SLC39A8: variants seen among roughly 807,000 people sequenced by gnomAD.
The protein encoded by SLC39A8 is metal cation symporter ZIP8.
SLC39A8 carries 15 observed loss-of-function variants against 40.4 expected under a neutral mutation model. The ratio of observed to expected loss-of-function variants is 0.37; its 90% CI spans 0.25 to 0.57. SLC39A8 has a LOEUF of 0.57. Among genes scored for constraint, SLC39A8 ranks in the 20% least tolerant of loss-of-function variants. The pLI is 0.75. For missense variants in SLC39A8, 472 were observed against 558.8 expected (o/e 0.84, Z 1.57); for synonymous variants, 223 against 221.6 (o/e 1.01, Z -0.06).
At chr4:102,254,705 TC>T (rs973319860) in intron 11 of SLC39A8, among the ~76,000 whole-genome samples, 3 of 152,236 alleles carry the variant, frequency 2.0e-5, no homozygotes, top group African/African-American at 7.2e-5. Context: ...TTAAACATCT[TC>T]CTTGGAGTTA....
At chr4:102,301,926 C>T (rs1733943188) in intron 6 of SLC39A8, among the ~76,000 whole-genome samples, 1 of 152,076 alleles carries the variant, frequency 6.6e-6, no homozygotes, top group South Asian at 2.1e-4. Flanking sequence ...TCAGCTCATT[C>T]TGATACTCAA....
chr4:102,295,022 T>G (rs1162169933), intron 6 of SLC39A8, among the ~76,000 whole-genome samples: 1 of 151,322 alleles, frequency 6.6e-6, no homozygotes, highest in African/African-American at 2.4e-5. Flanking sequence ...TGGAAAGCAT[T>G]TTGTTGTTAT....
chr4:102,251,659 G>A (rs547444978), exon 12 of SLC39A8: 1 of 152,248 alleles, frequency 6.6e-6, no homozygotes, highest in African/African-American at 2.4e-5. Flanking sequence ...AGGATGCAGT[G>A]AGAGTCAATC....
At chr4:102,272,742 C>T (rs1334036048) in intron 6 of SLC39A8, among the ~76,000 whole-genome samples, 1 of 152,046 alleles carries the variant, frequency 6.6e-6, no homozygotes, top group Non-Finnish European at 1.5e-5. Flanking sequence ...TCTGTATTTC[C>T]AACTGAGGTA....
intron 8 of SLC39A8, among the ~76,000 whole-genome samples, chr4:102,264,487 A>G (rs1732008657): frequency 6.6e-6 from 1 of 152,246 alleles, no homozygotes; most frequent in African/African-American, 2.4e-5. Flanking sequence ...TGGATTCAAC[A>G]TAATTCCTAA....
rs1370482786 is a variant in SLC39A8 at position 102,278,154 on chromosome 4, A to G, written c.841-10075T>C. On this transcript the variant is annotated intron_variant, in intron 6 of 8. Transcript: ENST00000356736. ...GACAAATGGGATCTAATTAAACTAAAGAGCTTCTGCACAGCAAAAGAAACT... is the reference window on the plus strand; with the variant it reads ...GACAAATGGGATCTAATTAAACTAAGGAGCTTCTGCACAGCAAAAGAAACT... Among the ~76,000 whole-genome samples the G allele has an allele frequency of 2.0e-5, 3 of 152,238 alleles. No homozygotes were observed. In the East Asian group the frequency reaches 5.8e-4, roughly 29 times the overall value.
At position 102,344,793 on chromosome 4, in the gene SLC39A8, G is replaced by A; in HGVS notation, c.-131C>T. 7.6e-7 allele frequency: 1 copy of A among 1,322,080 alleles called. No individual in the cohort carries two copies. The highest frequency in any genetic ancestry group is 9.6e-7 in the Non-Finnish European group (1 of 1,040,694). 81.9% of individuals were successfully genotyped at this position (1,322,080 alleles called of 1,614,324 possible). A position where few individuals can be genotyped will look rare whatever the true frequency, so the allele number is the denominator to read the frequency against. On this transcript the variant is annotated 5_prime_UTR_variant, in exon 2 of 9. Transcript: ENST00000356736. ...CGCTGCTCCGAGTCAGAGGTGGCGC[G>A]GGACGCCCCTGGTTCTCCGACGCCT...
intron 2 of SLC39A8, among the ~76,000 whole-genome samples, chr4:102,316,512 AT>A: frequency 6.6e-6 from 1 of 152,254 alleles, no homozygotes; most frequent in Admixed American, 6.5e-5. Flanking sequence ...TGCAAAAATA[AT>A]TTTTTAAAGG....
chr4:102,301,663 C>T (rs1262514168), intron 6 of SLC39A8, among the ~76,000 whole-genome samples: 4 of 152,120 alleles, frequency 2.6e-5, no homozygotes, highest in Admixed American at 1.3e-4. Context: ...AAACAGCCTT[C>T]TGATTTTATT....
chr4:102,282,255 G>T (rs1732919915), intron 6 of SLC39A8, among the ~76,000 whole-genome samples: 1 of 152,184 alleles, frequency 6.6e-6, no homozygotes, highest in African/African-American at 2.4e-5. Context: ...CTCAGTGAGT[G>T]TTTGTTGACT....
chr4:102,275,498 C>A (rs1180174583), intron 6 of SLC39A8, among the ~76,000 whole-genome samples: 2 of 152,064 alleles, frequency 1.3e-5, no homozygotes, highest in African/African-American at 4.8e-5. Flanking sequence ...TTCTTAGAGA[C>A]CTATAAAGAG....
At position 102,294,090 on chromosome 4, in the gene SLC39A8, A is replaced by C. The variant is rs59755351; in HGVS notation, c.840+10227T>G. On this transcript the variant is annotated intron_variant, in intron 6 of 8. Coordinates refer to ENST00000356736, the MANE Select transcript of SLC39A8 (RefSeq NM_001135146.2). ...ATATACAAAAATAAATTAAACTTAA[A>C]ATTTTTGAAAGAAAATATGGAAGGA... 6.5e-3 allele frequency among the ~76,000 whole-genome samples: 994 copies of C among 152,144 alleles called. 15 individuals are homozygous for C. The highest frequency in any genetic ancestry group is 0.023 in the African/African-American group (948 of 41,550).
chr4:102,282,900 G>A (rs1196991302), intron 6 of SLC39A8, among the ~76,000 whole-genome samples: 1 of 152,060 alleles, frequency 6.6e-6, no homozygotes, highest in Non-Finnish European at 1.5e-5. Context: ...CTAATTTTTT[G>A]TATTTTTAGT....
At chr4:102,256,049 C>T (rs1051178215) in intron 11 of SLC39A8, among the ~76,000 whole-genome samples, 1 of 152,144 alleles carries the variant, frequency 6.6e-6, no homozygotes, top group South Asian at 2.1e-4. Context: ...TATGAAGCAC[C>T]TTCCTCCACA....
chr4:102,345,244 T>C (rs1423940451), intron 1 of SLC39A8, 101 bp downstream of exon 1: 3 of 152,504 alleles, frequency 2.0e-5, no homozygotes, highest in African/African-American at 7.2e-5. Flanking sequence ...AAAAGGGCTC[T>C]TCCGGAGTCC....
At chr4:102,331,136 A>T (rs1326049380) in intron 2 of SLC39A8, among the ~76,000 whole-genome samples, 1 of 152,180 alleles carries the variant, frequency 6.6e-6, no homozygotes, top group Non-Finnish European at 1.5e-5. Context: ...GCCCTCTATT[A>T]CCACTCCTAT....
intron 2 of SLC39A8, among the ~76,000 whole-genome samples, chr4:102,338,406 T>C (rs924533069): frequency 6.6e-6 from 1 of 152,112 alleles, no homozygotes; most frequent in Non-Finnish European, 1.5e-5. Flanking sequence ...CAGGATGGTC[T>C]CGATCTCCTG....
intron 11 of SLC39A8, among the ~76,000 whole-genome samples, chr4:102,254,173 G>A (rs1048633653): frequency 6.6e-6 from 1 of 152,062 alleles, no homozygotes; most frequent in Admixed American, 6.6e-5. Context: ...TCCAACCTAA[G>A]GAGAATTCTC....
chr4:102,293,794 A>G (rs949810784), intron 6 of SLC39A8, among the ~76,000 whole-genome samples: 2 of 152,006 alleles, frequency 1.3e-5, no homozygotes, highest in Non-Finnish European at 2.9e-5. Context: ...TGATATTGAT[A>G]TGGAAAAACA....
Sources: allele counts gnomAD v4.1 joint callset (sites outside exome capture counted in the v4.1 genomes callset), GRCh38; gene constraint gnomAD v4.1.1; transcripts MANE v1.5; gene names NCBI Gene and HGNC (gene_info 2026-07-23, HGNC 2026-07-21).